Variants in SLC24A3 observed in about 807,000 individuals in gnomAD.
SLC24A3 encodes the protein solute carrier family 24 member 3.
Under a neutral mutation model 75.8 loss-of-function variants are expected in SLC24A3, and 28 were observed. The ratio of observed to expected loss-of-function variants is 0.37; its 90% confidence interval spans 0.27 to 0.51. The LOEUF (loss-of-function observed/expected upper bound fraction) is 0.51, where lower values mean the gene tolerates loss of function less well. Among genes scored for constraint, SLC24A3 ranks in the 20% least tolerant of loss-of-function variants. SLC24A3 has a pLI of 0.94. For synonymous variants in SLC24A3, 372 were observed against 334.1 expected (o/e 1.11, Z -1.24); for missense variants, 663 against 847.8 (o/e 0.78, Z 2.71).
chr20:19,693,466 T>C lies in SLC24A3; in HGVS notation c.1491+41T>C, dbSNP rs149551435. The C allele has an allele frequency of 6.8e-4, 1,098 of 1,604,058 alleles. 8 individuals are homozygous for C. In the African/African-American group the frequency reaches 0.013, roughly 20 times the overall value. On this transcript the variant is annotated intron_variant, in intron 13 of 16. Transcript: ENST00000328041. ...ACCCCATGGCACTGTTAAATCTCTT[T>C]AGAGAATAAAGAAGGGAATAAGAGT...
At chr20:19,335,480 T>C (rs1479279749) in intron 2 of SLC24A3, among the ~76,000 whole-genome samples, 1 of 152,222 alleles carries the variant, frequency 6.6e-6, no homozygotes, top group African/African-American at 2.4e-5. Flanking sequence ...GCTGGAGCCT[T>C]CAGTGATAAG....
At chr20:19,472,794 G>A (rs112679041) in intron 2 of SLC24A3, among the ~76,000 whole-genome samples, 1,723 of 152,274 alleles carry the variant, frequency 0.011, 38 homozygotes, top group African/African-American at 0.039. Flanking sequence ...GAGTGGGGTA[G>A]GAAGAGAAAC....
chr20:19,437,991 C>T (rs1285068253), intron 2 of SLC24A3, among the ~76,000 whole-genome samples: 1 of 152,210 alleles, frequency 6.6e-6, no homozygotes, highest in Non-Finnish European at 1.5e-5. Context: ...ATGAGTCTAA[C>T]TGCCAAGTGA....
chr20:19,600,172 C>A (rs924206539), intron 6 of SLC24A3, among the ~76,000 whole-genome samples: 8 of 152,062 alleles, frequency 5.3e-5, no homozygotes, highest in Non-Finnish European at 7.4e-5. Context: ...GATCTCCCAG[C>A]GCTCCCAGCC....
At chr20:19,267,792 C>T (rs889336744) in intron 1 of SLC24A3, among the ~76,000 whole-genome samples, 6 of 152,082 alleles carry the variant, frequency 3.9e-5, no homozygotes, top group Non-Finnish European at 7.4e-5. Flanking sequence ...TAAAAAGTCA[C>T]CTTGAGGGAT....
At chr20:19,613,619 G>A (rs2031699466) in intron 6 of SLC24A3, among the ~76,000 whole-genome samples, 1 of 152,130 alleles carries the variant, frequency 6.6e-6, no homozygotes. Flanking sequence ...GATGGAAACC[G>A]TTCTCTGCCT....
intron 3 of SLC24A3, among the ~76,000 whole-genome samples, chr20:19,561,569 AAAG>A (rs1419724973): frequency 6.6e-6 from 1 of 152,168 alleles, no homozygotes; most frequent in African/African-American, 2.4e-5. Context: ...GTGATTTTGT[AAAG>A]AAGAACATAT....
chr20:19,620,323 T>TAAAAAAGA (rs1166601071), intron 6 of SLC24A3, among the ~76,000 whole-genome samples: 1 of 152,186 alleles, frequency 6.6e-6, no homozygotes, highest in Non-Finnish European at 1.5e-5. Context: ...TGTCAATCTT[T>TAAAAAAGA]TTTGGGGGGG....
chr20:19,434,111 A>G (rs1205999797), intron 2 of SLC24A3, among the ~76,000 whole-genome samples: 1 of 152,256 alleles, frequency 6.6e-6, no homozygotes, highest in Non-Finnish European at 1.5e-5. Context: ...GACGTGATTA[A>G]TACACATCAC....
At chr20:19,683,524 A>G (rs1422108542) in intron 10 of SLC24A3, among the ~76,000 whole-genome samples, 1 of 152,188 alleles carries the variant, frequency 6.6e-6, no homozygotes, top group Admixed American at 6.5e-5. Flanking sequence ...AACTCACCCA[A>G]CACTTGTCAG....
chr20:19,285,577 G>A (rs55693946), intron 2 of SLC24A3, among the ~76,000 whole-genome samples: 8 of 132,540 alleles, frequency 6.0e-5, no homozygotes, highest in African/African-American at 1.7e-4. Context: ...TCTACCTTCA[G>A]AACTGCATGA....
intron 2 of SLC24A3, among the ~76,000 whole-genome samples, chr20:19,304,869 C>G (rs1463266373): frequency 1.3e-5 from 2 of 152,210 alleles, no homozygotes; most frequent in African/African-American, 4.8e-5. Context: ...CTTAAATAAT[C>G]TACACCCTGA....
intron 6 of SLC24A3, among the ~76,000 whole-genome samples, chr20:19,646,010 G>A (rs1397299652): frequency 2.6e-5 from 4 of 152,092 alleles, no homozygotes; most frequent in Non-Finnish European, 1.5e-5. Context: ...AGCCAAGATT[G>A]CACCACTGCA....
intron 3 of SLC24A3, among the ~76,000 whole-genome samples, chr20:19,560,335 T>C (rs895593166): frequency 1.3e-5 from 2 of 152,220 alleles, no homozygotes; most frequent in African/African-American, 4.8e-5. Context: ...TTCCTACTCC[T>C]GTCTCTCTGT....
intron 2 of SLC24A3, among the ~76,000 whole-genome samples, chr20:19,470,682 G>A (rs1284080937): frequency 1.3e-5 from 2 of 152,048 alleles, no homozygotes; most frequent in East Asian, 3.9e-4. Context: ...ATTAGACGCA[G>A]AAGAAGACTT....
intron 2 of SLC24A3, among the ~76,000 whole-genome samples, chr20:19,456,559 G>T (rs1048279601): frequency 2.6e-5 from 4 of 152,168 alleles, no homozygotes; most frequent in African/African-American, 9.7e-5. Flanking sequence ...TCTTCATTTT[G>T]TAAATTGCCC....
chr20:19,331,041 G>C (rs550516511), intron 2 of SLC24A3, among the ~76,000 whole-genome samples: 1 of 152,302 alleles, frequency 6.6e-6, no homozygotes, highest in Non-Finnish European at 1.5e-5. Context: ...GGAAGGCTGA[G>C]GAATAGCTCC....
intron 1 of SLC24A3, among the ~76,000 whole-genome samples, chr20:19,246,172 T>C (rs1039875984): frequency 6.6e-6 from 1 of 152,180 alleles, no homozygotes; most frequent in Non-Finnish European, 1.5e-5. Flanking sequence ...TAGCCTTATG[T>C]TGAATATTGT....
At chr20:19,241,949 C>T (rs958383846) in intron 1 of SLC24A3, among the ~76,000 whole-genome samples, 4 of 152,196 alleles carry the variant, frequency 2.6e-5, no homozygotes, top group African/African-American at 9.6e-5. Flanking sequence ...AACTTGATCA[C>T]ATCGGGCAGC....
Sources: allele counts gnomAD v4.1 joint callset (sites outside exome capture counted in the v4.1 genomes callset), GRCh38; gene constraint gnomAD v4.1.1; transcripts MANE v1.5; gene names NCBI Gene and HGNC (gene_info 2026-07-23, HGNC 2026-07-21).